Variants in SMYD1 observed in about 807,000 individuals in gnomAD.
SMYD1 encodes SET and MYND domain containing 1.
SMYD1 carries 49 observed loss-of-function variants against 54.0 expected under a neutral mutation model. The observed-to-expected ratio is 0.91, with a 90% CI of 0.72 to 1.15. The LOEUF is 1.15. Ranked by LOEUF, SMYD1 falls within the 50% of genes most tolerant of loss-of-function variation. The pLI, the probability that SMYD1 is intolerant of heterozygous loss-of-function variation, is 0.00. For missense variants in SMYD1, 653 were observed against 639.6 expected (o/e 1.02, Z -0.23); for synonymous variants, 269 against 234.2 (o/e 1.15, Z -1.36).
In SMYD1 at chr2:88,110,591, C is replaced by A; in HGVS notation, c.*79C>A. ...GGAGGTGGTGGGTCTCTCGGGAGAC[C>A]CCTAATGAGGAAGTTGAGGTAATGC... On this transcript the variant is annotated 3_prime_UTR_variant, in exon 10 of 10. Coordinates refer to ENST00000419482, the MANE Select transcript of SMYD1 (RefSeq NM_198274.4). 7.1e-7 allele frequency: 1 copy of A among 1,412,468 alleles called. No individual in the cohort carries two copies. Among genetic ancestry groups the A allele is most frequent in the Non-Finnish European group, 9.3e-7 (1 of 1,070,978 alleles). The allele number at this position is 1,412,468 out of a possible 1,614,324, so 87.5% of individuals were successfully genotyped here.
At chr2:88,082,258 C>T (rs1214530934) in intron 1 of SMYD1, among the ~76,000 whole-genome samples, 1 of 152,196 alleles carries the variant, frequency 6.6e-6, no homozygotes, top group Non-Finnish European at 1.5e-5. Context: ...AGTAAGGAAG[C>T]TGTTACTATG....
In SMYD1 at chr2:88,111,923, C is replaced by T; in HGVS notation, c.*1411C>T. On this transcript the variant is annotated 3_prime_UTR_variant, in exon 10 of 10. Transcript: ENST00000419482. ...ACATCTTGAAGTAAATTGATCCCAC[C>T]AGGTCCCACGTTTGTTATCTCTGCC... 1.6e-6 allele frequency: 1 copy of T among 636,758 alleles called. No individual in the cohort carries two copies. Among genetic ancestry groups the T allele is most frequent in the Admixed American group, 2.2e-5 (1 of 44,694 alleles). 39.4% of individuals were successfully genotyped at this position (636,758 alleles called of 1,614,324 possible). A position where few individuals can be genotyped will look rare whatever the true frequency, so the allele number is the denominator to read the frequency against.
intron 5 of SMYD1, 127 bp downstream of exon 5, chr2:88,093,682 G>A: frequency 1.0e-6 from 1 of 1,003,754 alleles, no homozygotes. Flanking sequence ...CTGCATCCCA[G>A]TGTCTCATCT....
At chr2:88,079,893 C>T (rs760908825) in intron 1 of SMYD1, among the ~76,000 whole-genome samples, 3 of 152,172 alleles carry the variant, frequency 2.0e-5, no homozygotes, top group East Asian at 1.9e-4. Context: ...TTCTAAACAA[C>T]GTCAAGGATA....
In SMYD1 at chr2:88,088,038, A is replaced by C. The variant is rs1542087; in HGVS notation, c.491A>C (p.Gln164Pro). 177,322 of 1,614,052 alleles carry C rather than the reference A, an allele frequency of 0.11. 11,287 individuals are homozygous for C. Among genetic ancestry groups the C allele is most frequent in the African/African-American group, 0.24 (18,349 of 74,982 alleles). The stretch of plus-strand genomic sequence containing the variant: ...CAGTACTGGCCGCCGCAGAGCCAGC[A>C]GTTCAGCATGCAGTACATCTCGCAC... ...FLQYWPPQSQ[Q>P]FSMQYISHIF... The change falls in exon 3 of 10, where the codon CAG becomes CCG. Residue 164 changes from glutamine to proline, a missense_variant. Physicochemically the swap from Gln to Pro is moderately conservative, Grantham distance 76 (BLOSUM62 -1). Coordinates refer to ENST00000419482, the MANE Select transcript of SMYD1 (RefSeq NM_198274.4).
chr2:88,096,709 C>T lies in SMYD1; in HGVS notation c.813C>T (p.Tyr271=). The change falls in exon 6 of 10, where the codon TAC becomes TAT. Residue 271 remains tyrosine, a synonymous_variant. Coordinates refer to ENST00000419482, the MANE Select transcript of SMYD1 (RefSeq NM_198274.4). ...ERKRQLKKQY[Y]FDCTCEHCQK... Reference sequence around the variant, plus strand: ...AGAGGCAGCTGAAGAAGCAGTACTACTTTGACTGCACATGTGAACACTGCC... The same window carrying T: ...AGAGGCAGCTGAAGAAGCAGTACTATTTTGACTGCACATGTGAACACTGCC... 6.2e-7 allele frequency: 1 copy of T among 1,614,226 alleles called. No individual in the cohort carries two copies. The highest frequency in any genetic ancestry group is 8.5e-7 in the Non-Finnish European group (1 of 1,180,038).
chr2:88,094,547 G>T (rs1294766808), intron 5 of SMYD1, among the ~76,000 whole-genome samples: 3 of 152,160 alleles, frequency 2.0e-5, no homozygotes, highest in African/African-American at 7.2e-5. Flanking sequence ...CTTATTTCAG[G>T]CTGGTCTCCA....
At chr2:88,071,376 A>C (rs893094782) in intron 1 of SMYD1, among the ~76,000 whole-genome samples, 2 of 152,234 alleles carry the variant, frequency 1.3e-5, no homozygotes, top group Non-Finnish European at 2.9e-5. Context: ...TTTGTTTAGC[A>C]TTAACAGTAA....
rs1674273875 is a variant in SMYD1 at position 88,084,439 on chromosome 2, G to C, written c.261G>C (p.Lys87Asn). The change falls in exon 2 of 10, where the codon AAG (lysine) becomes AAC (asparagine). Residue 87 changes from lysine (K) to asparagine (N), a missense_variant. Physicochemically the swap from Lys to Asn is moderately conservative, Grantham distance 94. Transcript: ENST00000419482. ...AGAAGGATGCTTGGCTGAACCACAA[G>C]AATGAATGTTCGGCCATCAAGAGAT... ...TCQKDAWLNH[K>N]NECSAIKRYG... is the part of the protein sequence containing the mutation. 6 of 1,606,654 alleles carry C rather than the reference G, an allele frequency of 3.7e-6. No homozygotes were observed. Among genetic ancestry groups the C allele is most frequent in the East Asian group, 4.5e-5 (2 of 44,690 alleles).
intron 1 of SMYD1, chr2:88,082,559 C>T (rs533774115): frequency 5.2e-4 from 80 of 154,464 alleles, no homozygotes; most frequent in Admixed American, 2.7e-3. Flanking sequence ...TCAGGCCTGG[C>T]CTTTGGGCTG....
chr2:88,100,616 C>T (rs1230214392), intron 6 of SMYD1, among the ~76,000 whole-genome samples: 1 of 152,154 alleles, frequency 6.6e-6, no homozygotes, highest in African/African-American at 2.4e-5. Flanking sequence ...CTCTGCACAA[C>T]CAGGCAAGAC....
At position 88,110,370 on chromosome 2, in the gene SMYD1, C is replaced by A; in HGVS notation, c.1331C>A (p.Thr444Lys). 1 of 1,612,264 alleles carries A rather than the reference C, an allele frequency of 6.2e-7. No homozygotes were observed. Among genetic ancestry groups the A allele is most frequent in the Non-Finnish European group, 8.5e-7 (1 of 1,179,182 alleles). Reference sequence around the variant, plus strand: ...GTCCCACAGGCCATGCGGGTGCAGACGGAGATGGAGCTACGCATGTTCCGC... The same window carrying A: ...GTCCCACAGGCCATGCGGGTGCAGAAGGAGATGGAGCTACGCATGTTCCGC... Reference protein sequence around the residue: ...TKDLEAMRVQTEMELRMFRQN... With the variant: ...TKDLEAMRVQKEMELRMFRQN... The change falls in exon 10 of 10, where the codon ACG becomes AAG. Residue 444 changes from threonine (T) to lysine (K), a missense_variant. Transcript: ENST00000419482.
chr2:88,086,309 C>T (rs1395693475), intron 2 of SMYD1, among the ~76,000 whole-genome samples: 1 of 152,150 alleles, frequency 6.6e-6, no homozygotes, highest in Admixed American at 6.5e-5. Context: ...GTGCTTTGCC[C>T]AGCAGATCTC....
At chr2:88,110,279 A>G in intron 9 of SMYD1, 75 bp from the exon 10 acceptor site, 1 of 1,474,040 alleles carries the variant, frequency 6.8e-7, no homozygotes, top group Non-Finnish European at 9.1e-7. Flanking sequence ...GAAATAATTT[A>G]CCCCAAGGTA....
rs1674928083 is a variant in SMYD1, at chr2:88,108,253, C to T, written c.1146-118C>T. Reference sequence around the variant, plus strand: ...CCCCTTGGCGGCTACAGAAGCCTTGCAGTGCTGAGGGGAAGACAGATGGGC... The same window carrying T: ...CCCCTTGGCGGCTACAGAAGCCTTGTAGTGCTGAGGGGAAGACAGATGGGC... On this transcript the variant is annotated intron_variant, in intron 8 of 9. Transcript: ENST00000419482. 4.1e-6 allele frequency: 4 copies of T among 986,684 alleles called. No homozygotes were observed. In the East Asian group the frequency reaches 1.3e-4, roughly 32 times the overall value. The allele number at this position is 986,684 out of a possible 1,614,324, so 61.1% of individuals were successfully genotyped here.
At chr2:88,109,256 G>T (rs1300609746) in intron 9 of SMYD1, among the ~76,000 whole-genome samples, 4 of 85,664 alleles carry the variant, frequency 4.7e-5, no homozygotes, top group Admixed American at 4.0e-4. Flanking sequence ...AAACAATGGG[G>T]TGTGCATGTG....
intron 3 of SMYD1, among the ~76,000 whole-genome samples, chr2:88,090,610 G>A (rs1041281072): frequency 6.6e-6 from 1 of 151,856 alleles, no homozygotes; most frequent in African/African-American, 2.4e-5. Context: ...TGAGTAGGCA[G>A]AGGAAACAGG....
chr2:88,108,596 G>C (rs1042285985), intron 9 of SMYD1, 57 bp downstream of exon 9: 2 of 1,486,608 alleles, frequency 1.3e-6, no homozygotes, highest in Non-Finnish European at 1.8e-6. Context: ...CTGAGGATGG[G>C]AGTGTGAGTT....
intron 5 of SMYD1, 124 bp from the exon 6 acceptor site, chr2:88,096,471 G>A: frequency 1.2e-6 from 1 of 818,504 alleles, no homozygotes; most frequent in Non-Finnish European, 2.0e-6. Context: ...GGGGTCAATG[G>A]GAGTTTCTGA....
Sources: gnomAD v4.1 joint callset for allele counts (sites outside exome capture counted in the v4.1 genomes callset) on GRCh38, gnomAD v4.1.1 for gene constraint, MANE v1.5 for transcripts, NCBI Gene and HGNC (gene_info 2026-07-23, HGNC 2026-07-21) for gene names.